The following ING5 variants were observed in gnomAD, a reference collection of about 807,000 sequenced individuals.
ING5 encodes inhibitor of growth protein 5.
Under a neutral mutation model 37.4 loss-of-function variants are expected in ING5, and 17 were observed. The ratio of observed to expected loss-of-function variants is 0.45; its 90% CI spans 0.31 to 0.68. ING5 has a LOEUF of 0.68. Among genes scored for constraint, ING5 ranks in the 30% least tolerant of loss-of-function variants. ING5 has a pLI of 0.05. For missense variants in ING5, 233 were observed against 311.9 expected (o/e 0.75, Z 1.91); for synonymous variants, 123 against 116.6 (o/e 1.06, Z -0.36).
At chr2:241,719,076 C>T (rs2124940715) in intron 5 of ING5, among the ~76,000 whole-genome samples, 1 of 152,346 alleles carries the variant, frequency 6.6e-6, no homozygotes, top group East Asian at 1.9e-4. Context: ...TTCAGCTCCA[C>T]CGAGGCCCCT....
chr2:241,719,357 G>A (rs1193109882), intron 5 of ING5: 28 of 648,936 alleles, frequency 4.3e-5, no homozygotes, highest in Middle Eastern at 3.1e-4. Context: ...GGCGGACGCC[G>A]CCCCCAACCC....
At chr2:241,697,366 C>T (rs1236956008), upstream of ING5, among the ~76,000 whole-genome samples, 4 of 144,040 alleles carry the variant, frequency 2.8e-5, no homozygotes, top group East Asian at 4.2e-4. Context: ...ACCCGGGAGG[C>T]GGAGCTTGCA....
Position 241,725,097 on chromosome 2 carries a change from C to T in ING5, c.*66C>T, listed in dbSNP as rs113583924. The T allele has an allele frequency of 2.2e-4, 338 of 1,537,984 alleles. 2 individuals carry two copies. In the African/African-American group the frequency reaches 3.4e-3, roughly 15 times the overall value. ...TCCCTTCATTCGTGTCGCAATATTTCCCTTCCTTTTAAAACTACCTTGTTC... is the reference window on the plus strand; with the variant it reads ...TCCCTTCATTCGTGTCGCAATATTTTCCTTCCTTTTAAAACTACCTTGTTC... On this transcript the variant is annotated 3_prime_UTR_variant, in exon 8 of 8. Transcript: ENST00000313552.
rs112552017 is a variant in ING5 at position 241,709,131 on chromosome 2, G to A, written c.110-85G>A. The stretch of plus-strand genomic sequence containing the variant: ...GCCTACATCTTTGCCACAACTTGGC[G>A]TTGGCTGACTTTAGTTGTTGCCAGT... On this transcript the variant is annotated intron_variant, in intron 2 of 7. Transcript: ENST00000313552. 38,180 of 1,434,610 alleles carry A rather than the reference G, an allele frequency of 0.027. 3,208 individuals carry two copies. The East Asian group carries it at 0.28, about 10-fold the overall frequency. 88.9% of individuals were successfully genotyped at this position (1,434,610 alleles called of 1,614,324 possible). A position where few individuals can be genotyped will look rare whatever the true frequency, so the allele number is the denominator to read the frequency against.
Position 241,709,197 on chromosome 2 carries a change from T to C in ING5, c.110-19T>C. 1.9e-6 allele frequency: 3 copies of C among 1,603,824 alleles called. No homozygotes were observed. Among genetic ancestry groups the C allele is most frequent in the Non-Finnish European group, 1.7e-6 (2 of 1,174,008 alleles). On this transcript the variant is annotated intron_variant, in intron 2 of 7. Transcript: ENST00000313552. The stretch of plus-strand genomic sequence containing the variant: ...TGGTGTCTTGTGCAGGGCTAGCTTT[T>C]CCCCCATTTCTCCATCAGATAAGAA...
At chr2:241,695,806 A>G (rs946267502) in intron 2 of ING5, among the ~76,000 whole-genome samples, 3 of 152,234 alleles carry the variant, frequency 2.0e-5, no homozygotes, top group Non-Finnish European at 4.4e-5. Context: ...GATTTATGAT[A>G]CTGAAATATT....
At chr2:241,719,606 C>T (rs2070375045) in intron 5 of ING5, 1 of 1,536,036 alleles carries the variant, frequency 6.5e-7, no homozygotes, top group South Asian at 1.2e-5. Flanking sequence ...AGTGCTGTTT[C>T]TCAAGGGTAT....
intron 2 of ING5, among the ~76,000 whole-genome samples, chr2:241,708,293 C>T (rs532727887): frequency 2.0e-5 from 3 of 150,968 alleles, no homozygotes; most frequent in South Asian, 2.1e-4. Flanking sequence ...CTTCAAGCCC[C>T]GCCTCCTGGG....
Position 241,725,322 on chromosome 2 carries a change from C to G in ING5, c.*291C>G. On this transcript the variant is annotated 3_prime_UTR_variant, in exon 8 of 8. Transcript: ENST00000313552. Reference sequence around the variant, plus strand: ...CGGGCGCGCGTGAGCTCGGGCTGCCCGGCCGGGCGTGCGGGCGGGGACATG... The same window carrying G: ...CGGGCGCGCGTGAGCTCGGGCTGCCGGGCCGGGCGTGCGGGCGGGGACATG... 1 of 433,264 alleles carries G rather than the reference C, an allele frequency of 2.3e-6. No individual in the cohort carries two copies. The highest frequency in any genetic ancestry group is 4.2e-6 in the Non-Finnish European group (1 of 235,462). 26.8% of individuals were successfully genotyped at this position (433,264 alleles called of 1,614,324 possible).
chr2:241,697,489 A>T (rs2069648024), upstream of ING5, among the ~76,000 whole-genome samples: 1 of 151,986 alleles, frequency 6.6e-6, no homozygotes, highest in Non-Finnish European at 1.5e-5. Flanking sequence ...CGGACGTTGG[A>T]ATATTTTTCA....
chr2:241,705,401 T>TC (rs1437697396), intron 2 of ING5, among the ~76,000 whole-genome samples: 4 of 140,526 alleles, frequency 2.8e-5, no homozygotes, highest in Admixed American at 7.3e-5. Flanking sequence ...TTTCTTTTTT[T>TC]TTTTTTTTTT....
At position 241,720,416 on chromosome 2, in the gene ING5, G is replaced by A. The variant is rs1465005488; in HGVS notation, c.483-2523G>A. The A allele has an allele frequency of 1.3e-5, 14 of 1,113,294 alleles. No individual in the cohort carries two copies. The East Asian group carries it at 2.4e-4, about 19-fold the overall frequency. The allele number at this position is 1,113,294 out of a possible 1,614,324, so 69.0% of individuals were successfully genotyped here. ...CTTCAGGCCTGTTCCCCACGTGCCC[G>A]GGGCTCTTCCTGGAATGCAGTGTTC... On this transcript the variant is annotated intron_variant, in intron 5 of 7. Coordinates refer to ENST00000313552, the MANE Select transcript of ING5 (RefSeq NM_032329.6).
chr2:241,701,813 C>T (rs2069732346), upstream of ING5, among the ~76,000 whole-genome samples: 1 of 152,028 alleles, frequency 6.6e-6, no homozygotes. Context: ...GGCCGGGAAC[C>T]CCTGCTCCTC....
chr2:241,722,192 C>A, intron 5 of ING5: 1 of 985,376 alleles, frequency 1.0e-6, no homozygotes, highest in Non-Finnish European at 1.2e-6. Flanking sequence ...GCTGCTCTGA[C>A]ACCTGTCAGT....
chr2:241,711,914 AC>A (rs1254520870), intron 4 of ING5, 63 bp from the exon 5 acceptor site: 4 of 1,422,724 alleles, frequency 2.8e-6, no homozygotes, highest in Non-Finnish European at 3.8e-6. Context: ...TAAAAACAAA[AC>A]ACAAAACTTG....
intron 7 of ING5, chr2:241,724,616 C>T (rs941723895): frequency 1.0e-4 from 28 of 268,906 alleles, no homozygotes; most frequent in Non-Finnish European, 7.2e-5. Context: ...TTCCGTGGGC[C>T]TGAGGGGCTG....
intron 2 of ING5, among the ~76,000 whole-genome samples, chr2:241,704,983 T>C (rs1559301089): frequency 6.6e-6 from 1 of 152,248 alleles, no homozygotes; most frequent in Non-Finnish European, 1.5e-5. Flanking sequence ...TTATTGCCAA[T>C]TTTTTCTTTT....
At chr2:241,722,438 C>T (rs2070455723) in intron 5 of ING5, 1 of 985,352 alleles carries the variant, frequency 1.0e-6, no homozygotes, top group African/African-American at 1.7e-5. Flanking sequence ...TCACGGCCTC[C>T]TGGGGGCCCT....
Position 241,728,375 on chromosome 2 carries a change from GGT to G in ING5, c.*3350_*3351del, listed in dbSNP as rs1260542585. Reference sequence around the variant, plus strand: ...CCCCAGACCCATCTCTTGGATTGAGGGTGTGTGGGCTGGAACCAGTGGGTCAC... The same window carrying G: ...CCCCAGACCCATCTCTTGGATTGAGGGTGTGGGCTGGAACCAGTGGGTCAC... On this transcript the variant is annotated 3_prime_UTR_variant, in exon 8 of 8. Coordinates refer to ENST00000313552, the MANE Select transcript of ING5 (RefSeq NM_032329.6). 4 of 152,752 alleles carry G rather than the reference GGT, an allele frequency of 2.6e-5. No homozygotes were observed. Among genetic ancestry groups the G allele is most frequent in the African/African-American group, 9.6e-5 (4 of 41,466 alleles). The allele number at this position is 152,752 out of a possible 1,614,324, so 9.5% of individuals were successfully genotyped here. A position where few individuals can be genotyped will look rare whatever the true frequency, so the allele number is the denominator to read the frequency against.
Sources: allele counts gnomAD v4.1 joint callset (sites outside exome capture counted in the v4.1 genomes callset), GRCh38; gene constraint gnomAD v4.1.1; transcripts MANE v1.5; gene names NCBI Gene and HGNC (gene_info 2026-07-23, HGNC 2026-07-21).